ATP6V1B2: variants seen among roughly 807,000 people sequenced by gnomAD.
ATP6V1B2 encodes V-type proton ATPase subunit B, brain isoform.
Under a neutral mutation model 66.7 loss-of-function variants are expected in ATP6V1B2, and 23 were observed. The observed-to-expected ratio is 0.34, with a 90% confidence interval of 0.25 to 0.49. The LOEUF is 0.49. Among genes scored for constraint, ATP6V1B2 ranks in the 20% least tolerant of loss-of-function variants. The pLI is 0.99. For missense variants in ATP6V1B2, 478 were observed against 650.8 expected, an observed-to-expected ratio of 0.73 and a Z score of 2.89; for synonymous variants, 278 against 236.7, an observed-to-expected ratio of 1.17 and a Z score of -1.60.
intron 1 of ATP6V1B2, among the ~76,000 whole-genome samples, chr8:20,202,581 C>T (rs2072698639): frequency 6.6e-6 from 1 of 152,088 alleles, no homozygotes; most frequent in Non-Finnish European, 1.5e-5. Flanking sequence ...TCACTGTTTC[C>T]AGGAAAAGCT....
At chr8:20,200,220 G>T (rs1000380579) in intron 1 of ATP6V1B2, among the ~76,000 whole-genome samples, 1 of 151,768 alleles carries the variant, frequency 6.6e-6, no homozygotes, top group Non-Finnish European at 1.5e-5. Context: ...ATTTCCCCAT[G>T]TTGCCCAGGC....
At position 20,210,491 on chromosome 8, in the gene ATP6V1B2, T is replaced by C. The variant is rs546067609; in HGVS notation, c.385+52T>C. The C allele has an allele frequency of 3.2e-5, 52 of 1,606,628 alleles. 1 individual carries two copies. The South Asian group carries it at 5.2e-4, about 16-fold the overall frequency. ...CGAGATCTGTTTCCTTTTAAACATATTTCCATAATGTCTTTTAAAAATTAT... is the reference window on the plus strand; with the variant it reads ...CGAGATCTGTTTCCTTTTAAACATACTTCCATAATGTCTTTTAAAAATTAT... On this transcript the variant is annotated intron_variant, in intron 4 of 13. Transcript: ENST00000276390.
intron 10 of ATP6V1B2, 29 bp from the exon 11 acceptor site, chr8:20,216,384 G>A (rs1351588622): frequency 1.3e-6 from 2 of 1,588,328 alleles, no homozygotes; most frequent in South Asian, 2.2e-5. Context: ...AAGATGCCAT[G>A]CTTAATGCCA....
intron 11 of ATP6V1B2, 71 bp from the exon 12 acceptor site, chr8:20,217,149 T>C (rs17092165): frequency 2.1e-5 from 27 of 1,269,472 alleles, no homozygotes; most frequent in Non-Finnish European, 3.1e-5. Context: ...GTTTCAAATG[T>C]TTTTTTATTA....
chr8:20,213,670 G>A (rs2072818715), intron 9 of ATP6V1B2: 1 of 152,044 alleles, frequency 6.6e-6, no homozygotes, highest in Non-Finnish European at 1.5e-5. Flanking sequence ...GATTATAACA[G>A]TTACCCCTAG....
chr8:20,209,050 G>T (rs890269321), intron 2 of ATP6V1B2, among the ~76,000 whole-genome samples: 4 of 151,938 alleles, frequency 2.6e-5, no homozygotes, highest in African/African-American at 9.7e-5. Flanking sequence ...ACCACATCTG[G>T]AGCACACAGT....
chr8:20,212,867 C>G lies in ATP6V1B2; in HGVS notation c.889C>G (p.Leu297Val). 6.2e-7 allele frequency: 1 copy of G among 1,613,708 alleles called. No individual in the cohort carries two copies. The highest frequency in any genetic ancestry group is 2.2e-5 in the East Asian group (1 of 44,868). The stretch of plus-strand genomic sequence containing the variant: ...ATGTGAGAAACATGTATTGGTTATT[C>G]TAACAGACATGAGTTCTTATGCTGA... Reference protein sequence around the residue: ...YQCEKHVLVILTDMSSYAEAL... With the variant: ...YQCEKHVLVIVTDMSSYAEAL... Residue 297 changes from leucine (L) to valine (V), a missense_variant, in exon 9 of 14, where the codon CTA becomes GTA. Physicochemically the swap from Leu to Val is conservative, Grantham distance 32 (BLOSUM62 1). Coordinates refer to ENST00000276390, the MANE Select transcript of ATP6V1B2 (RefSeq NM_001693.4).
intron 5 of ATP6V1B2, 56 bp downstream of exon 5, chr8:20,210,702 G>T (rs923422612): frequency 1.0e-5 from 15 of 1,498,372 alleles, no homozygotes; most frequent in African/African-American, 9.7e-5. Context: ...ACTCTGTCTT[G>T]TACCTTTGCC....
intron 1 of ATP6V1B2, among the ~76,000 whole-genome samples, chr8:20,198,318 C>T (rs2072649512): frequency 6.6e-6 from 1 of 152,204 alleles, no homozygotes; most frequent in Non-Finnish European, 1.5e-5. Flanking sequence ...GACCAGTTAA[C>T]CAAACTTGGT....
intron 9 of ATP6V1B2, chr8:20,213,931 A>G (rs932781558): frequency 3.9e-5 from 6 of 152,208 alleles, no homozygotes; most frequent in Admixed American, 2.0e-4. Context: ...TGAAATTTTA[A>G]CTATATATAT....
intron 12 of ATP6V1B2, 106 bp downstream of exon 12, chr8:20,217,430 G>A (rs979776126): frequency 2.0e-6 from 2 of 1,011,484 alleles, no homozygotes; most frequent in Middle Eastern, 2.1e-4. Context: ...CCATCCACAT[G>A]GAATTTTAGT....
intron 9 of ATP6V1B2, chr8:20,213,218 T>C (rs2072813085): frequency 3.3e-6 from 1 of 302,602 alleles, no homozygotes; most frequent in African/African-American, 2.3e-5. Flanking sequence ...TCTGTTTCTG[T>C]CCAGACTATT....
intron 10 of ATP6V1B2, chr8:20,216,102 A>G (rs2072851795): frequency 1.0e-5 from 2 of 193,550 alleles, no homozygotes; most frequent in Admixed American, 5.8e-5. Context: ...TAAACTGGCC[A>G]GTATGGTTGC....
At chr8:20,203,868 T>A (rs2128884839) in intron 1 of ATP6V1B2, 2 of 406,190 alleles carry the variant, frequency 4.9e-6, no homozygotes, top group East Asian at 1.5e-4. Flanking sequence ...TTTGACCCCC[T>A]GGCCTTTCTT....
intron 7 of ATP6V1B2, 95 bp downstream of exon 7, chr8:20,211,848 TTAGG>T: frequency 9.3e-7 from 1 of 1,074,448 alleles, no homozygotes; most frequent in Non-Finnish European, 1.3e-6. Context: ...GAATTTTTCT[TTAGG>T]TAAAGAATTT....
chr8:20,207,714 T>TA (rs1488777590), intron 2 of ATP6V1B2, among the ~76,000 whole-genome samples: 12 of 150,802 alleles, frequency 8.0e-5, no homozygotes, highest in Non-Finnish European at 1.3e-4. Context: ...TCCTAAAACT[T>TA]AAAGTATAAA....
At chr8:20,197,964 G>A (rs1334443676) in intron 1 of ATP6V1B2, among the ~76,000 whole-genome samples, 1 of 152,202 alleles carries the variant, frequency 6.6e-6, no homozygotes, top group African/African-American at 2.4e-5. Flanking sequence ...ACCTCAATGG[G>A]GTCTTCAACT....
At chr8:20,209,562 C>T (rs1170261850) in intron 3 of ATP6V1B2, 31 bp downstream of exon 3, 3 of 1,576,988 alleles carry the variant, frequency 1.9e-6, no homozygotes, top group Non-Finnish European at 2.6e-6. Flanking sequence ...TGAACTGTTT[C>T]CTAGTTGCCT....
Position 20,210,792 on chromosome 8 carries a change from AATTAT to A in ATP6V1B2, c.463+150_463+154del, listed in dbSNP as rs1329784207. 3.9e-5 allele frequency: 16 copies of A among 411,460 alleles called. 1 individual carries two copies. The highest frequency in any genetic ancestry group is 8.9e-5 in the Admixed American group (2 of 22,460). The allele number at this position is 411,460 out of a possible 1,614,324, so 25.5% of individuals were successfully genotyped here. The stretch of plus-strand genomic sequence containing the variant: ...TAGGTTATAAATTATTTTATTATTT[AATTAT>A]ATTTTCTTAGAAATTATCGTAAAAT... On this transcript the variant is annotated intron_variant, in intron 5 of 13. Coordinates refer to ENST00000276390, the MANE Select transcript of ATP6V1B2 (RefSeq NM_001693.4).
Sources: allele counts gnomAD v4.1 joint callset (sites outside exome capture counted in the v4.1 genomes callset), GRCh38; gene constraint gnomAD v4.1.1; transcripts MANE v1.5; gene names NCBI Gene and HGNC (gene_info 2026-07-23, HGNC 2026-07-21).